Variants in AGAP1 observed in about 807,000 individuals in gnomAD.
AGAP1 encodes the protein ArfGAP with GTPase domain, ankyrin repeat and PH domain 1, also known as arf-GAP with GTPase, ANK repeat and PH domain-containing protein 1.
AGAP1 carries 29 observed loss-of-function variants against 105.3 expected under a neutral mutation model. The ratio of observed to expected loss-of-function variants is 0.28; its 90% CI spans 0.21 to 0.38. The LOEUF is 0.38. Ranked by LOEUF, AGAP1 falls within the 10% of genes least tolerant of loss-of-function variation. AGAP1 has a pLI of 1.00. For synonymous variants in AGAP1, 509 were observed against 485.9 expected, an observed-to-expected ratio of 1.05 and a Z score of -0.63; for missense variants, 998 against 1,165.1, an observed-to-expected ratio of 0.86 and a Z score of 2.09.
chr2:235,804,088 A>T (rs1192994731), intron 8 of AGAP1, among the ~76,000 whole-genome samples: 2 of 152,222 alleles, frequency 1.3e-5, no homozygotes, highest in Non-Finnish European at 2.9e-5. Flanking sequence ...GCAAGAAATA[A>T]GCAAATCCTA....
intron 1 of AGAP1, among the ~76,000 whole-genome samples, chr2:235,496,908 G>A (rs1941343468): frequency 6.6e-6 from 1 of 152,100 alleles, no homozygotes; most frequent in Non-Finnish European, 1.5e-5. Context: ...ATCCTGTTTG[G>A]GACTGGGGTG....
At chr2:235,946,277 T>A (rs972572357) in intron 12 of AGAP1, among the ~76,000 whole-genome samples, 1 of 136,642 alleles carries the variant, frequency 7.3e-6, no homozygotes, top group Non-Finnish European at 1.5e-5. Context: ...ATAATAGGCT[T>A]TTTTTCCTTT....
rs371846381 is a variant in AGAP1, at chr2:236,116,357, C to CTTTTTTTTTTTTTTTTT, written c.2115-3825_2115-3824insTTTTTTTTTTTTTTTTT. ...CAGGTGGTATTTGGTTAATTAAGTT[C>CTTTTTTTTTTTTTTTTT]TTTTTTTTTTGAGAGAGAGTTTTGC... is the stretch of plus-strand genomic sequence containing the variant. On this transcript the variant is annotated intron_variant, in intron 16 of 17. Transcript: ENST00000304032. 6.0e-4 allele frequency among the ~76,000 whole-genome samples: 77 copies of CTTTTTTTTTTTTTTTTT among 129,082 alleles called. 1 individual carries two copies. Among genetic ancestry groups the CTTTTTTTTTTTTTTTTT allele is most frequent in the Non-Finnish European group, 8.6e-4 (52 of 60,434 alleles). 84.7% of individuals were successfully genotyped at this position (129,082 alleles called of 152,430 possible). A position where few individuals can be genotyped will look rare whatever the true frequency, so the allele number is the denominator to read the frequency against.
In AGAP1 at chr2:235,934,957, A is replaced by G. The variant is rs1316127571; in HGVS notation, c.1483+4034A>G. 6.6e-6 allele frequency among the ~76,000 whole-genome samples: 1 copy of G among 152,174 alleles called. No individual in the cohort carries two copies. The highest frequency in any genetic ancestry group is 2.4e-5 in the African/African-American group (1 of 41,444). On this transcript the variant is annotated intron_variant, in intron 12 of 17. Coordinates refer to ENST00000304032, the MANE Select transcript of AGAP1 (RefSeq NM_001037131.3). This position sits in a 1 kb window ranked among gnomAD's most constrained non-coding sequence, Gnocchi z 4.9. ...ACTTTTCAAAGTCTCCTCTCTAGAC[A>G]CACCGGTCCCCCCGGGGTTTCTTCC...
At chr2:235,567,214 G>A (rs1184155567) in intron 1 of AGAP1, among the ~76,000 whole-genome samples, 1 of 152,232 alleles carries the variant, frequency 6.6e-6, no homozygotes, top group African/African-American at 2.4e-5. Flanking sequence ...TTGGATGTGC[G>A]GGTCGGATGT....
At chr2:235,783,385 G>T (rs2149950669) in intron 6 of AGAP1, 1 of 471,104 alleles carries the variant, frequency 2.1e-6, no homozygotes, top group Non-Finnish European at 4.4e-6. Flanking sequence ...TCCTTGGCCG[G>T]ACCAGAGAAG....
At chr2:235,758,882 T>C (rs1954158952) in intron 6 of AGAP1, among the ~76,000 whole-genome samples, 1 of 152,226 alleles carries the variant, frequency 6.6e-6, no homozygotes, top group Non-Finnish European at 1.5e-5. Context: ...AACCTCTGCC[T>C]TCTGGGCTCA....
In AGAP1 at chr2:235,958,714, G is replaced by C. The variant is rs1196626583; in HGVS notation, c.1484-9748G>C. On this transcript the variant is annotated intron_variant, in intron 12 of 17. Transcript: ENST00000304032. This position sits in a 1 kb window ranked among gnomAD's most constrained non-coding sequence, Gnocchi z 4.1. ...ACTAAATGATTGTAAAATAAGTTAT[G>C]AGTGTCCTTGGGCCTGTCTGCCGGA... is the stretch of plus-strand genomic sequence containing the variant. Among the ~76,000 whole-genome samples, 1 of 152,172 alleles carries C rather than the reference G, an allele frequency of 6.6e-6. No individual in the cohort carries two copies. The highest frequency in any genetic ancestry group is 1.5e-5 in the Non-Finnish European group (1 of 68,034).
intron 2 of AGAP1, among the ~76,000 whole-genome samples, chr2:235,710,797 C>T (rs1950816685): frequency 1.3e-5 from 2 of 152,164 alleles, no homozygotes. Flanking sequence ...CCTGTTAAGA[C>T]AGCCGCTGCC....
rs1361434170 is a variant in AGAP1, at chr2:235,893,723, C to T, written c.1155+10274C>T. 2.0e-5 allele frequency among the ~76,000 whole-genome samples: 3 copies of T among 152,120 alleles called. No individual in the cohort carries two copies. Among genetic ancestry groups the T allele is most frequent in the Non-Finnish European group, 4.4e-5 (3 of 68,032 alleles). Reference sequence around the variant, plus strand: ...GAGGGCTGTGTTCCCCACAGTCTGCCCAGGGGCTGTCATGTGAGTGGCACA... The same window carrying T: ...GAGGGCTGTGTTCCCCACAGTCTGCTCAGGGGCTGTCATGTGAGTGGCACA... On this transcript the variant is annotated intron_variant, in intron 10 of 17. Transcript: ENST00000304032. This position sits in a 1 kb window ranked among gnomAD's most constrained non-coding sequence, Gnocchi z 4.7.
In AGAP1 at chr2:235,752,127, G is replaced by A. The variant is rs1432386738; in HGVS notation, c.673+1639G>A. ...AATGTTGAAGTAAAGCGTCGTAGAT[G>A]AAGGGTCCCCAGGCCCGTGCATGAG... On this transcript the variant is annotated intron_variant, in intron 6 of 17. Coordinates refer to ENST00000304032, the MANE Select transcript of AGAP1 (RefSeq NM_001037131.3). The surrounding 1 kb of genome is among the most constrained non-coding windows in gnomAD (Gnocchi z 4.3). 6.6e-6 allele frequency among the ~76,000 whole-genome samples: 1 copy of A among 152,200 alleles called. No individual in the cohort carries two copies. Among genetic ancestry groups the A allele is most frequent in the Non-Finnish European group, 1.5e-5 (1 of 68,046 alleles).
chr2:235,523,749 C>T (rs1942716396), intron 1 of AGAP1, among the ~76,000 whole-genome samples: 1 of 152,018 alleles, frequency 6.6e-6, no homozygotes, highest in South Asian at 2.1e-4. Context: ...GTCGAAAGGC[C>T]GACTGACCAC....
chr2:235,659,532 C>T lies in AGAP1; in HGVS notation c.164-49647C>T, dbSNP rs1292979176. 5.9e-5 allele frequency among the ~76,000 whole-genome samples: 9 copies of T among 152,204 alleles called. 1 individual carries two copies. Among genetic ancestry groups the T allele is most frequent in the Non-Finnish European group, 1.3e-4 (9 of 68,054 alleles). On this transcript the variant is annotated intron_variant, in intron 1 of 17. Transcript: ENST00000304032. This position sits in a 1 kb window ranked among gnomAD's most constrained non-coding sequence, Gnocchi z 5.0. ...ATATGAACACATGTTTTGTGGGTCA[C>T]TTGCCAGGCGTCAGTGCCCTGCTCG...
intron 1 of AGAP1, among the ~76,000 whole-genome samples, chr2:235,498,571 T>C (rs1162858002): frequency 6.6e-6 from 1 of 152,200 alleles, no homozygotes; most frequent in African/African-American, 2.4e-5. Flanking sequence ...GGCATTGAGG[T>C]AGATGAATTA....
In AGAP1 at chr2:236,014,984, C is replaced by T. The variant is rs1169403279; in HGVS notation, c.1646-21577C>T. 2 of 308,602 alleles carry T rather than the reference C, an allele frequency of 6.5e-6. No homozygotes were observed. The highest frequency in any genetic ancestry group is 1.3e-5 in the Non-Finnish European group (2 of 149,656). The allele number at this position is 308,602 out of a possible 1,614,324, so 19.1% of individuals were successfully genotyped here. On this transcript the variant is annotated intron_variant, in intron 13 of 17. Coordinates refer to ENST00000304032, the MANE Select transcript of AGAP1 (RefSeq NM_001037131.3). The surrounding 1 kb of genome is among the most constrained non-coding windows in gnomAD (Gnocchi z 6.3). ...AACACAGGCATGGAAATGCAATTTG[C>T]CCAAAGCCGCATGCTCCCTTATTGT...
chr2:235,946,591 T>A lies in AGAP1; in HGVS notation c.1483+15668T>A, dbSNP rs140954623. On this transcript the variant is annotated intron_variant, in intron 12 of 17. Coordinates refer to ENST00000304032, the MANE Select transcript of AGAP1 (RefSeq NM_001037131.3). ...ATAAATAGATAAAATTTCGACACTC[T>A]CAGTGTGGAAACTAGAAACAATCTC... is the stretch of plus-strand genomic sequence containing the variant. 5.9e-3 allele frequency among the ~76,000 whole-genome samples: 896 copies of A among 152,342 alleles called. 7 individuals carry two copies. Among genetic ancestry groups the A allele is most frequent in the African/African-American group, 0.02 (846 of 41,578 alleles).
intron 1 of AGAP1, among the ~76,000 whole-genome samples, chr2:235,595,777 C>T (rs536709106): frequency 7.2e-5 from 11 of 152,140 alleles, no homozygotes; most frequent in Non-Finnish European, 1.6e-4. Flanking sequence ...CAGTTGACAG[C>T]GATATGAGGT....
intron 1 of AGAP1, among the ~76,000 whole-genome samples, chr2:235,583,120 A>T (rs1178277039): frequency 6.6e-6 from 1 of 152,214 alleles, no homozygotes; most frequent in East Asian, 1.9e-4. Flanking sequence ...GGGCACCTCC[A>T]AGTGGGCCAG....
At chr2:236,065,735 T>C (rs1490757489) in intron 16 of AGAP1, among the ~76,000 whole-genome samples, 8 of 152,340 alleles carry the variant, frequency 5.3e-5, no homozygotes. Flanking sequence ...GACAGCTGCC[T>C]CCTGCTGGGT....
Sources: gnomAD v4.1 joint callset for allele counts (sites outside exome capture counted in the v4.1 genomes callset) on GRCh38, gnomAD v4.1.1 for gene constraint, Gnocchi (gnomAD v3.1) non-coding constraint, MANE v1.5 for transcripts, NCBI Gene and HGNC (gene_info 2026-07-23, HGNC 2026-07-21) for gene names.